Variants in MARCHF1 observed in about 807,000 individuals in gnomAD.
MARCHF1 encodes membrane associated ring-CH-type finger 1, also known as E3 ubiquitin-protein ligase MARCHF1.
A neutral mutation model predicts 54.2 loss-of-function variants in MARCHF1; 40 were observed. The ratio of observed to expected loss-of-function variants is 0.74; its 90% CI spans 0.57 to 0.96. The LOEUF (loss-of-function observed/expected upper bound fraction) is 0.96, where lower values mean the gene tolerates loss of function less well. Ranked by LOEUF, MARCHF1 falls within the 40% of genes least tolerant of loss-of-function variation. The pLI is 0.00. For synonymous variants in MARCHF1, 236 were observed against 236.3 expected (o/e 1.00, Z 0.01); for missense variants, 586 against 656.5 (o/e 0.89, Z 1.17).
chr4:163,864,595 C>A (rs1347247093), intron 3 of MARCHF1, among the ~76,000 whole-genome samples: 1 of 151,798 alleles, frequency 6.6e-6, no homozygotes, highest in East Asian at 1.9e-4. Flanking sequence ...TAAATATGTA[C>A]CCTATCACAG....
chr4:164,112,509 T>C (rs988332614), intron 1 of MARCHF1, among the ~76,000 whole-genome samples: 3 of 151,944 alleles, frequency 2.0e-5, no homozygotes, highest in African/African-American at 4.8e-5. Flanking sequence ...TCAAAGAATG[T>C]ATACAGTAGC....
chr4:164,057,999 A>C (rs990547406), intron 2 of MARCHF1, among the ~76,000 whole-genome samples: 2 of 152,164 alleles, frequency 1.3e-5, no homozygotes, highest in Non-Finnish European at 1.5e-5. Flanking sequence ...GGAAATCATT[A>C]TTCTCAGCAA....
intron 2 of MARCHF1, among the ~76,000 whole-genome samples, chr4:164,012,767 AC>A (rs1237736670): frequency 1.3e-5 from 2 of 152,114 alleles, no homozygotes; most frequent in Admixed American, 1.3e-4. Flanking sequence ...CCCTTATCTT[AC>A]CCAAGTTCAC....
intron 1 of MARCHF1, among the ~76,000 whole-genome samples, chr4:164,159,488 A>C (rs1307471371): frequency 6.6e-6 from 1 of 152,122 alleles, no homozygotes; most frequent in Non-Finnish European, 1.5e-5. Context: ...GGAAGAACCA[A>C]AAAAATGAAT....
At chr4:163,555,175 G>A (rs1435902567) in intron 8 of MARCHF1, among the ~76,000 whole-genome samples, 1 of 152,160 alleles carries the variant, frequency 6.6e-6, no homozygotes, top group Admixed American at 6.5e-5. Flanking sequence ...CATTTGCAGT[G>A]GAACTGTTGG....
At chr4:164,371,167 A>T (rs1399521572) in intron 1 of MARCHF1, among the ~76,000 whole-genome samples, 8 of 152,178 alleles carry the variant, frequency 5.3e-5, no homozygotes, top group African/African-American at 1.9e-4. Context: ...CTCACAAATC[A>T]GTAGGAAAAA....
rs1383151347 is a variant in MARCHF1, at chr4:163,943,785, C to T, written c.-39+44716G>A. On this transcript the variant is annotated intron_variant, in intron 3 of 9. Coordinates refer to ENST00000514618, the MANE Select transcript of MARCHF1 (RefSeq NM_001394959.1). Reference sequence around the variant, plus strand: ...AAAAAAAAAAAGACCACACCTCCATCCCTGGGCTTGCTGTAGAGCCTTCCA... The same window carrying T: ...AAAAAAAAAAAGACCACACCTCCATTCCTGGGCTTGCTGTAGAGCCTTCCA... Among the ~76,000 whole-genome samples, 6 of 150,320 alleles carry T rather than the reference C, an allele frequency of 4.0e-5. No homozygotes were observed. The South Asian group carries it at 1.0e-3, about 26-fold the overall frequency.
intron 4 of MARCHF1, among the ~76,000 whole-genome samples, chr4:163,777,924 C>A (rs1050011519): frequency 6.6e-6 from 1 of 152,126 alleles, no homozygotes; most frequent in African/African-American, 2.4e-5. Context: ...TGCAGTCAAT[C>A]CCCTGCCTAC....
intron 1 of MARCHF1, among the ~76,000 whole-genome samples, chr4:164,167,542 A>T (rs536499488): frequency 1.3e-5 from 2 of 150,842 alleles, no homozygotes; most frequent in Admixed American, 6.6e-5. Flanking sequence ...TTACAAAGCT[A>T]TAGTAATTTA....
At chr4:164,338,970 C>T (rs1729837501) in intron 1 of MARCHF1, among the ~76,000 whole-genome samples, 1 of 151,528 alleles carries the variant, frequency 6.6e-6, no homozygotes, top group South Asian at 2.1e-4. Context: ...AAAACTCCAT[C>T]TCAAAAAAAA....
intron 1 of MARCHF1, among the ~76,000 whole-genome samples, chr4:164,256,445 AAAAG>A (rs1357517748): frequency 2.7e-5 from 4 of 150,494 alleles, no homozygotes; most frequent in Non-Finnish European, 5.9e-5. Flanking sequence ...AAAAAAAAAA[AAAAG>A]AAAGAAAAGA....
chr4:163,541,904 T>C (rs1015680812), intron 9 of MARCHF1, among the ~76,000 whole-genome samples: 2 of 152,192 alleles, frequency 1.3e-5, no homozygotes, highest in Non-Finnish European at 2.9e-5. Flanking sequence ...AATGTGCACA[T>C]TGGAAAGCAG....
At chr4:164,050,888 G>C (rs1449650414) in intron 2 of MARCHF1, among the ~76,000 whole-genome samples, 4 of 151,992 alleles carry the variant, frequency 2.6e-5, no homozygotes, top group Non-Finnish European at 5.9e-5. Context: ...AGCCGAGATT[G>C]TGCCATTGCA....
At chr4:163,566,975 C>T (rs1205362062) in intron 8 of MARCHF1, among the ~76,000 whole-genome samples, 2 of 152,126 alleles carry the variant, frequency 1.3e-5, no homozygotes, top group African/African-American at 4.8e-5. Flanking sequence ...GGTTCACCAA[C>T]ACACCTTGCA....
intron 1 of MARCHF1, among the ~76,000 whole-genome samples, chr4:164,266,280 GAAAACT>G (rs1733608807): frequency 6.6e-6 from 1 of 152,062 alleles, no homozygotes; most frequent in African/African-American, 2.4e-5. Context: ...TTCTTCTTTA[GAAAACT>G]TGGACAATAG....
chr4:163,532,950 A>C (rs141951872), intron 9 of MARCHF1, among the ~76,000 whole-genome samples: 44 of 152,112 alleles, frequency 2.9e-4, no homozygotes, highest in African/African-American at 1.1e-3. Flanking sequence ...TTTGGAAGAC[A>C]GTCTGGCAGT....
chr4:164,150,880 G>C (rs967833306), intron 1 of MARCHF1, among the ~76,000 whole-genome samples: 3 of 152,158 alleles, frequency 2.0e-5, no homozygotes, highest in Admixed American at 2.0e-4. Context: ...TTGTTAATCA[G>C]CTGGTATCCT....
chr4:164,069,238 T>C (rs551587637), intron 2 of MARCHF1, among the ~76,000 whole-genome samples: 1 of 152,296 alleles, frequency 6.6e-6, no homozygotes, highest in East Asian at 1.9e-4. Flanking sequence ...CAGCTCTCTG[T>C]AAAACAGACC....
At chr4:163,969,209 A>G (rs1006565569) in intron 3 of MARCHF1, among the ~76,000 whole-genome samples, 3 of 152,192 alleles carry the variant, frequency 2.0e-5, no homozygotes, top group African/African-American at 7.2e-5. Context: ...CTTCATATGC[A>G]CAGCTGGTAA....
Sources: allele counts gnomAD v4.1 joint callset (sites outside exome capture counted in the v4.1 genomes callset), GRCh38; gene constraint gnomAD v4.1.1; transcripts MANE v1.5; gene names NCBI Gene and HGNC (gene_info 2026-07-23, HGNC 2026-07-21).